NPSR1: variants seen among roughly 807,000 people sequenced by gnomAD.
NPSR1 encodes neuropeptide S receptor 1.
NPSR1 carries 48 observed loss-of-function variants against 46.9 expected under a neutral mutation model. The observed-to-expected ratio is 1.02, with a 90% CI of 0.81 to 1.30. The LOEUF is 1.30. Ranked by LOEUF, NPSR1 falls within the 50% of genes most tolerant of loss-of-function variation. The probability of loss-of-function intolerance (pLI) is 0.00; values close to 1 mark genes in which losing one functional copy is unlikely to be tolerated. For synonymous variants in NPSR1, 176 were observed against 168.1 expected (o/e 1.05, Z -0.36); for missense variants, 450 against 449.5 (o/e 1.00, Z -0.01).
chr7:34,862,518 T>C (rs1584153549), intron 8 of NPSR1, among the ~76,000 whole-genome samples: 1 of 151,806 alleles, frequency 6.6e-6, no homozygotes. Context: ...GTTCCCTGCA[T>C]TGAGTCTCTC....
At chr7:34,725,264 T>C (rs1056814177) in intron 2 of NPSR1, among the ~76,000 whole-genome samples, 3 of 152,174 alleles carry the variant, frequency 2.0e-5, no homozygotes, top group African/African-American at 7.2e-5. Flanking sequence ...CTGAAACTTA[T>C]TAATTAAGAT....
chr7:34,785,151 A>G (rs1163155259), intron 3 of NPSR1, among the ~76,000 whole-genome samples: 7 of 151,956 alleles, frequency 4.6e-5, no homozygotes, highest in Non-Finnish European at 1.0e-4. Context: ...ACAATGATAG[A>G]CGGGATTAAG....
chr7:34,749,950 A>G (rs1785428551), intron 2 of NPSR1, among the ~76,000 whole-genome samples: 1 of 152,204 alleles, frequency 6.6e-6, no homozygotes. Flanking sequence ...TTGTAGCCCA[A>G]TAATGAGATG....
intron 3 of NPSR1, among the ~76,000 whole-genome samples, chr7:34,802,313 C>T (rs1460033738): frequency 5.3e-5 from 8 of 150,286 alleles, no homozygotes; most frequent in Non-Finnish European, 1.2e-4. Context: ...TGACTTCAAA[C>T]TATACTACAA....
chr7:34,856,496 G>A (rs1290488938), intron 8 of NPSR1, among the ~76,000 whole-genome samples: 1 of 151,674 alleles, frequency 6.6e-6, no homozygotes, highest in Non-Finnish European at 1.5e-5. Context: ...GGGAAAATCG[G>A]AGTGATTGGC....
intron 2 of NPSR1, among the ~76,000 whole-genome samples, chr7:34,721,230 G>A (rs1049714644): frequency 1.2e-4 from 19 of 152,064 alleles, no homozygotes; most frequent in African/African-American, 4.1e-4. Context: ...TTCCTGGAAA[G>A]ACAAATTTGA....
intron 1 of NPSR1, among the ~76,000 whole-genome samples, chr7:34,678,701 C>G (rs1792455915): frequency 6.6e-6 from 1 of 151,976 alleles, no homozygotes; most frequent in South Asian, 2.1e-4. Flanking sequence ...TGGTGGTTGC[C>G]TGCAGTCCCA....
At chr7:34,675,427 A>T (rs1331738876) in intron 1 of NPSR1, among the ~76,000 whole-genome samples, 1 of 152,264 alleles carries the variant, frequency 6.6e-6, no homozygotes, top group Non-Finnish European at 1.5e-5. Context: ...AGCCTGACAG[A>T]TCCAGAATCA....
intron 5 of NPSR1, among the ~76,000 whole-genome samples, chr7:34,831,955 C>T (rs542550541): frequency 3.3e-5 from 5 of 152,124 alleles, no homozygotes; most frequent in African/African-American, 1.2e-4. Flanking sequence ...TGTGGGAAAG[C>T]CCCATGCCAG....
intron 2 of NPSR1, among the ~76,000 whole-genome samples, chr7:34,756,522 T>C (rs1017975169): frequency 1.3e-5 from 2 of 152,198 alleles, no homozygotes; most frequent in African/African-American, 4.8e-5. Flanking sequence ...CTATGATCTC[T>C]GTGTCAACTA....
chr7:34,697,057 G>A (rs985008380), intron 2 of NPSR1, among the ~76,000 whole-genome samples: 6 of 151,902 alleles, frequency 3.9e-5, no homozygotes, highest in African/African-American at 1.4e-4. Flanking sequence ...TTTGAGGCTG[G>A]GGGTGGGTTG....
At chr7:34,790,981 TTATATTATATATGTTATATGTTA>T (rs1787784717) in intron 3 of NPSR1, among the ~76,000 whole-genome samples, 1 of 121,824 alleles carries the variant, frequency 8.2e-6, no homozygotes, top group East Asian at 2.3e-4. Flanking sequence ...ATGTTATATG[TTATATTATATATGTTATATGTTA>T]TATGTTATAT....
intron 5 of NPSR1, among the ~76,000 whole-genome samples, chr7:34,827,873 C>A (rs1056484677): frequency 6.6e-6 from 1 of 152,154 alleles, no homozygotes; most frequent in Admixed American, 6.5e-5. Flanking sequence ...ACAGTATAAC[C>A]CTGTGAAATA....
At chr7:34,745,996 A>G (rs1016856006) in intron 2 of NPSR1, among the ~76,000 whole-genome samples, 1 of 152,224 alleles carries the variant, frequency 6.6e-6, no homozygotes, top group African/African-American at 2.4e-5. Flanking sequence ...TAATTATAAA[A>G]ATAGTTTTTG....
chr7:34,851,132 A>G (rs1790921644), downstream of NPSR1, among the ~76,000 whole-genome samples: 1 of 151,820 alleles, frequency 6.6e-6, no homozygotes, highest in Admixed American at 6.6e-5. Flanking sequence ...TATTCTTGAC[A>G]TTAAAATCTC....
rs144214535 is a variant in NPSR1, at chr7:34,676,767, A to G, written c.148-7785A>G. Among the ~76,000 whole-genome samples the G allele has an allele frequency of 1.0e-3, 153 of 152,286 alleles. 1 individual carries two copies. The highest frequency in any genetic ancestry group is 2.3e-3 in the Admixed American group (35 of 15,292). ...TGAATTCATAAACAGATAAATCAAC[A>G]TGGCTCTTAGGAAGACCCCAAAAGC... On this transcript the variant is annotated intron_variant, in intron 1 of 8. Coordinates refer to ENST00000360581, the MANE Select transcript of NPSR1 (RefSeq NM_207172.2).
chr7:34,746,704 C>A (rs955572120), intron 2 of NPSR1, among the ~76,000 whole-genome samples: 2 of 152,158 alleles, frequency 1.3e-5, no homozygotes, highest in Non-Finnish European at 2.9e-5. Context: ...ATGAGAAAAA[C>A]AAAGTAGCCT....
chr7:34,718,444 G>C (rs551164474), intron 2 of NPSR1, among the ~76,000 whole-genome samples: 11 of 152,266 alleles, frequency 7.2e-5, no homozygotes, highest in Middle Eastern at 3.4e-3. Flanking sequence ...TCCCCCGAAG[G>C]GGTCCCAGAG....
chr7:34,754,516 G>T (rs1785715090), intron 2 of NPSR1, among the ~76,000 whole-genome samples: 1 of 151,248 alleles, frequency 6.6e-6, no homozygotes, highest in African/African-American at 2.4e-5. Context: ...CTGCCTCTAT[G>T]CCCCCTCCTA....
Sources: gnomAD v4.1 joint callset for allele counts (sites outside exome capture counted in the v4.1 genomes callset) on GRCh38, gnomAD v4.1.1 for gene constraint, MANE v1.5 for transcripts, NCBI Gene and HGNC (gene_info 2026-07-23, HGNC 2026-07-21) for gene names.